KHDC4: variants seen among roughly 807,000 people sequenced by gnomAD.
The protein encoded by KHDC4 is KH homology domain-containing protein 4.
KHDC4 carries 19 observed loss-of-function variants against 74.5 expected under a neutral mutation model. The observed-to-expected ratio is 0.26, with a 90% CI of 0.18 to 0.37. The LOEUF (loss-of-function observed/expected upper bound fraction) is 0.37, where lower values mean the gene tolerates loss of function less well. Among genes scored for constraint, KHDC4 ranks in the 10% least tolerant of loss-of-function variants. KHDC4 has a pLI of 1.00. For synonymous variants in KHDC4, 253 were observed against 266.1 expected (o/e 0.95, Z 0.48); for missense variants, 632 against 754.1 (o/e 0.84, Z 1.90).
At position 155,927,072 on chromosome 1, in the gene KHDC4, A is replaced by T. The variant is rs553962435; in HGVS notation, c.517+32T>A. On this transcript the variant is annotated intron_variant, in intron 5 of 13. Coordinates refer to ENST00000368321, the MANE Select transcript of KHDC4 (RefSeq NM_014949.4). ...GAGCCCTGTACTTTGCTCTTCACAAAAAGTGCTACGTGAGCCAAAAACATT... is the reference window on the plus strand; with the variant it reads ...GAGCCCTGTACTTTGCTCTTCACAATAAGTGCTACGTGAGCCAAAAACATT... The T allele has an allele frequency of 1.9e-6, 3 of 1,607,592 alleles. No individual in the cohort carries two copies. In the East Asian group the frequency reaches 6.7e-5, roughly 36 times the overall value.
Position 155,925,617 on chromosome 1 carries a change from C to T in KHDC4, c.893+15G>A, listed in dbSNP as rs1384888976. 4 of 1,605,400 alleles carry T rather than the reference C, an allele frequency of 2.5e-6. No homozygotes were observed. The highest frequency in any genetic ancestry group is 1.7e-5 in the Admixed American group (1 of 59,998). ...TGACAAGAATTCACATGTCCCCTGC[C>T]CTATCCATCCATACCTGATGTAAAT... is the stretch of plus-strand genomic sequence containing the variant. On this transcript the variant is annotated intron_variant, in intron 7 of 13. Coordinates refer to ENST00000368321, the MANE Select transcript of KHDC4 (RefSeq NM_014949.4).
intron 2 of KHDC4, among the ~76,000 whole-genome samples, chr1:155,933,232 C>T (rs1197311273): frequency 6.6e-6 from 1 of 152,052 alleles, no homozygotes; most frequent in African/African-American, 2.4e-5. Context: ...CTCTCAACTA[C>T]TATATCCATT....
rs1344768021 is a variant in KHDC4, at chr1:155,926,712, A to G, written c.645T>C (p.Ser215=). 4 of 1,614,074 alleles carry G rather than the reference A, an allele frequency of 2.5e-6. No individual in the cohort carries two copies. In the African/African-American group the frequency reaches 5.3e-5, roughly 22 times the overall value. ...AGGGAGGCTTCTGGCTAACAGCTGG[A>G]GACAACTGAGCGATGGGTGCTGGCT... ...YHQPAPIAQL[S]PAVSQKPPFQ... Residue 215 remains serine, a synonymous_variant, in exon 6 of 14, where the codon TCT becomes TCC. Coordinates refer to ENST00000368321, the MANE Select transcript of KHDC4 (RefSeq NM_014949.4).
At chr1:155,929,160 G>C (rs1257435511) in intron 4 of KHDC4, 136 bp downstream of exon 4, 1 of 611,938 alleles carries the variant, frequency 1.6e-6, no homozygotes, top group Non-Finnish European at 2.9e-6. Flanking sequence ...CCAGAATTCT[G>C]CTATAGTGTG....
At chr1:155,919,873 C>A in intron 10 of KHDC4, 1 of 264,734 alleles carries the variant, frequency 3.8e-6, no homozygotes, top group South Asian at 4.3e-5. Context: ...GACTAGAGAC[C>A]ACAAATAAAA....
At chr1:155,917,462 TA>T in intron 11 of KHDC4, 36 bp downstream of exon 11, 1 of 1,495,800 alleles carries the variant, frequency 6.7e-7, no homozygotes, top group Non-Finnish European at 9.3e-7. Flanking sequence ...AGTAGAAGAA[TA>T]AGGTGAAGAT....
chr1:155,929,943 G>T, intron 2 of KHDC4, 103 bp from the exon 3 acceptor site: 1 of 729,786 alleles, frequency 1.4e-6, no homozygotes, highest in Non-Finnish European at 1.8e-6. Flanking sequence ...TTTTGAGATG[G>T]AGTCTGTCGC....
intron 10 of KHDC4, 110 bp downstream of exon 10, chr1:155,921,264 GA>G (rs1255692860): frequency 1.7e-5 from 22 of 1,324,714 alleles, no homozygotes; most frequent in Non-Finnish European, 2.1e-5. Flanking sequence ...AAGACAGCAG[GA>G]AAAAGACATT....
In KHDC4 at chr1:155,914,096, G is replaced by A. The variant is rs749995222; in HGVS notation, c.*25C>T. 6.3e-7 allele frequency: 1 copy of A among 1,586,458 alleles called. No individual in the cohort carries two copies. Among genetic ancestry groups the A allele is most frequent in the Non-Finnish European group, 8.7e-7 (1 of 1,154,964 alleles). The stretch of plus-strand genomic sequence containing the variant: ...ATTATTGCTAAGAAGAGTCACTGAG[G>A]GTCAAAACTCTGTTCCACTGTTTCC... On this transcript the variant is annotated 3_prime_UTR_variant, in exon 14 of 14. Transcript: ENST00000368321.
intron 11 of KHDC4, 166 bp from the exon 12 acceptor site, chr1:155,916,903 A>ATT: frequency 4.4e-5 from 20 of 453,652 alleles, no homozygotes; most frequent in African/African-American, 1.0e-4. Context: ...AAAAGTAGGG[A>ATT]TTTTTTTTTT....
At chr1:155,933,369 C>T (rs935927204) in intron 2 of KHDC4, among the ~76,000 whole-genome samples, 5 of 151,722 alleles carry the variant, frequency 3.3e-5, no homozygotes, top group Admixed American at 3.3e-4. Context: ...CGGCTCACTG[C>T]AACCTCCGCC....
At chr1:155,921,029 C>A (rs1465836364) in intron 10 of KHDC4, among the ~76,000 whole-genome samples, 1 of 152,116 alleles carries the variant, frequency 6.6e-6, no homozygotes, top group Non-Finnish European at 1.5e-5. Flanking sequence ...TATCCACGGG[C>A]TGCTTCTGCA....
At chr1:155,923,539 G>C in intron 8 of KHDC4, 88 bp downstream of exon 8, 1 of 976,588 alleles carries the variant, frequency 1.0e-6, no homozygotes, top group Non-Finnish European at 1.7e-6. Context: ...AGCAGTACTA[G>C]GAAACTAAAC....
At position 155,915,894 on chromosome 1, in the gene KHDC4, C is replaced by T. The variant is rs539632742; in HGVS notation, c.1624G>A (p.Gly542Arg). 6.2e-6 allele frequency: 10 copies of T among 1,603,852 alleles called. No individual in the cohort carries two copies. In the South Asian group the frequency reaches 8.9e-5, roughly 14 times the overall value. The change falls in exon 13 of 14, where the codon GGG becomes AGG. Residue 542 changes from glycine (G) to arginine (R), a missense_variant. This residue lies in a region of KHDC4 where 254 missense variants were observed against 267.4 expected (regional missense o/e 0.95). Coordinates refer to ENST00000368321, the MANE Select transcript of KHDC4 (RefSeq NM_014949.4). ...TCACCATGGCTCCCTGTTAAGGTCCCAGACCCATTCCTTTCATCGGACTCT... is the reference window on the plus strand; with the variant it reads ...TCACCATGGCTCCCTGTTAAGGTCCTAGACCCATTCCTTTCATCGGACTCT... The part of the protein sequence containing the change: ...KTESDERNGS[G>R]TLTGSHDYPA...
intron 13 of KHDC4, 53 bp from the exon 14 acceptor site, chr1:155,914,373 A>T: frequency 7.4e-7 from 1 of 1,345,766 alleles, no homozygotes; most frequent in Non-Finnish European, 1.0e-6. Context: ...GGAAAAAAAA[A>T]AATACCATAA....
chr1:155,933,909 T>C, intron 1 of KHDC4, 60 bp from the exon 2 acceptor site: 2 of 1,326,502 alleles, frequency 1.5e-6, no homozygotes, highest in Non-Finnish European at 2.0e-6. Flanking sequence ...TATTCTTTCC[T>C]TACTACGCCT....
In KHDC4 at chr1:155,921,537, G is replaced by C; in HGVS notation, c.1104C>G (p.Pro368=). ...GAGGTTGAACTGGCTGCTGAGGAGG[G>C]GGAACAACAGGGTAACCAGACTGAT... is the stretch of plus-strand genomic sequence containing the variant. ...NGYQSGYPVV[P]PPQQPVQPPY... Residue 368 remains proline, a synonymous_variant, in exon 10 of 14, where the codon CCC becomes CCG. Coordinates refer to ENST00000368321, the MANE Select transcript of KHDC4 (RefSeq NM_014949.4). 1.2e-6 allele frequency: 2 copies of C among 1,614,090 alleles called. No homozygotes were observed. The highest frequency in any genetic ancestry group is 3.3e-4 in the Middle Eastern group (2 of 6,062).
Position 155,927,143 on chromosome 1 carries a change from A to G in KHDC4, c.478T>C (p.Tyr160His). 1 of 1,613,922 alleles carries G rather than the reference A, an allele frequency of 6.2e-7. No homozygotes were observed. The highest frequency in any genetic ancestry group is 8.5e-7 in the Non-Finnish European group (1 of 1,179,778). Residue 160 changes from tyrosine to histidine, a missense_variant, in exon 5 of 14, where the codon TAT (tyrosine) becomes CAT (histidine). Tyr to His is a moderately conservative substitution (Grantham distance 83). Transcript: ENST00000368321. ...CGTGTCTGGCCCTGAACATGAAGAT[A>G]TAATGGACGATCCCTATAAAGAGAA... Reference protein sequence around the residue: ...AKVGPGDRPLYLHVQGQTREL... With the variant: ...AKVGPGDRPLHLHVQGQTREL...
intron 3 of KHDC4, among the ~76,000 whole-genome samples, 163 bp from the exon 4 acceptor site, chr1:155,929,538 G>T (rs868028589): frequency 6.6e-6 from 1 of 152,176 alleles, no homozygotes; most frequent in South Asian, 2.1e-4. Context: ...CCAACCCAGA[G>T]AATTCATTTA....
Sources: allele counts gnomAD v4.1 joint callset (sites outside exome capture counted in the v4.1 genomes callset), GRCh38; gene constraint gnomAD v4.1.1; regional missense constraint gnomAD v4.1.1; transcripts MANE v1.5; gene names NCBI Gene and HGNC (gene_info 2026-07-23, HGNC 2026-07-21).